Variants in CPED1 observed in about 807,000 individuals in gnomAD.
CPED1 encodes the protein cadherin like and PC-esterase domain containing 1.
In CPED1, 114 loss-of-function variants were observed where a neutral mutation model predicts 128.2. That is an observed-to-expected ratio of 0.89 (90% confidence interval 0.76 to 1.04). CPED1 has a LOEUF of 1.04. Ranked by LOEUF, CPED1 falls within the 50% of genes least tolerant of loss-of-function variation. The probability of loss-of-function intolerance (pLI) is 0.00; values close to 1 mark genes in which losing one functional copy is unlikely to be tolerated. For missense variants in CPED1, 1,211 were observed against 1,207.1 expected (o/e 1.00, Z -0.05); for synonymous variants, 462 against 426.7 (o/e 1.08, Z -1.02).
intron 3 of CPED1, among the ~76,000 whole-genome samples, chr7:121,040,324 G>C (rs1035707258): frequency 4.7e-4 from 72 of 152,182 alleles, no homozygotes; most frequent in African/African-American, 1.7e-3. Flanking sequence ...ACTATAATCA[G>C]TGTTAGAAAC....
intron 6 of CPED1, 147 bp from the exon 7 acceptor site, chr7:121,099,779 C>A: frequency 1.4e-6 from 1 of 729,052 alleles, no homozygotes; most frequent in Non-Finnish European, 2.2e-6. Flanking sequence ...TGCTAATAAG[C>A]AACTGAAATT....
chr7:121,011,957 G>A (rs1438243272), intron 2 of CPED1, among the ~76,000 whole-genome samples: 2 of 152,076 alleles, frequency 1.3e-5, no homozygotes, highest in African/African-American at 4.8e-5. Context: ...GAGACACCAC[G>A]TTGGACCCTT....
intron 22 of CPED1, among the ~76,000 whole-genome samples, chr7:121,276,552 C>T (rs562862892): frequency 6.6e-6 from 1 of 152,152 alleles, no homozygotes; most frequent in South Asian, 2.1e-4. Context: ...TATTATGAAA[C>T]AATACCTTTG....
chr7:121,184,888 T>C (rs1368678929), intron 16 of CPED1, among the ~76,000 whole-genome samples: 3 of 152,170 alleles, frequency 2.0e-5, no homozygotes, highest in Non-Finnish European at 4.4e-5. Flanking sequence ...ATTGACTATA[T>C]ACTTGAAAGC....
chr7:121,065,853 ATAGT>A (rs1378278991), intron 5 of CPED1, among the ~76,000 whole-genome samples: 4 of 152,152 alleles, frequency 2.6e-5, no homozygotes, highest in African/African-American at 9.6e-5. Context: ...GAATAACAAG[ATAGT>A]TTCACAGAAT....
At chr7:121,133,216 CT>C (rs1474969036) in intron 12 of CPED1, among the ~76,000 whole-genome samples, 2 of 152,030 alleles carry the variant, frequency 1.3e-5, no homozygotes, top group Admixed American at 6.6e-5. Flanking sequence ...AGCAATTTTT[CT>C]GTCTGCAATT....
chr7:121,018,905 C>T (rs1792370152), intron 3 of CPED1, among the ~76,000 whole-genome samples: 1 of 151,974 alleles, frequency 6.6e-6, no homozygotes, highest in Non-Finnish European at 1.5e-5. Context: ...CACTTTGCAC[C>T]ATCCTTTGAA....
chr7:121,088,232 G>A (rs748913419), intron 5 of CPED1, among the ~76,000 whole-genome samples: 1 of 152,136 alleles, frequency 6.6e-6, no homozygotes, highest in South Asian at 2.1e-4. Flanking sequence ...AAACTCTAAA[G>A]CCTGGGTTAG....
intron 22 of CPED1, among the ~76,000 whole-genome samples, chr7:121,284,099 G>T (rs1310664975): frequency 1.3e-5 from 2 of 152,162 alleles, no homozygotes; most frequent in Non-Finnish European, 2.9e-5. Context: ...GAGGACTCAA[G>T]AAACTTACAA....
chr7:121,199,245 A>C (rs563014884), intron 16 of CPED1, among the ~76,000 whole-genome samples: 10 of 152,216 alleles, frequency 6.6e-5, no homozygotes, highest in Middle Eastern at 3.4e-3. Flanking sequence ...CAGTCCACAC[A>C]TGGGGTATAA....
chr7:121,284,643 A>C (rs1792528934), intron 22 of CPED1, among the ~76,000 whole-genome samples: 1 of 152,198 alleles, frequency 6.6e-6, no homozygotes. Flanking sequence ...ATTCAAACCC[A>C]AAATCCAGCG....
intron 5 of CPED1, among the ~76,000 whole-genome samples, chr7:121,072,254 A>T (rs1461425302): frequency 2.0e-5 from 3 of 151,464 alleles, no homozygotes; most frequent in African/African-American, 7.3e-5. Context: ...TGCCTTCCTC[A>T]CTTACTAAAA....
At chr7:121,075,974 G>T (rs1794115186) in intron 5 of CPED1, among the ~76,000 whole-genome samples, 1 of 152,152 alleles carries the variant, frequency 6.6e-6, no homozygotes, top group Non-Finnish European at 1.5e-5. Context: ...TCAAGAGTCA[G>T]CTGTATTTGT....
chr7:121,027,781 A>AT (rs1465881423), intron 3 of CPED1, among the ~76,000 whole-genome samples: 81 of 145,024 alleles, frequency 5.6e-4, no homozygotes, highest in Non-Finnish European at 1.1e-3. Context: ...AATAATAATG[A>AT]GTTTCAGCTC....
At position 121,044,648 on chromosome 7, in the gene CPED1, C is replaced by CTTTTTTTTTTTTTTTTTTTTT. The variant is rs35159862; in HGVS notation, c.434-2238_434-2237insTTTTTTTTTTTTTTTTTTTTT. Among the ~76,000 whole-genome samples, 32 of 69,524 alleles carry CTTTTTTTTTTTTTTTTTTTTT rather than the reference C, an allele frequency of 4.6e-4. 7 individuals are homozygous for CTTTTTTTTTTTTTTTTTTTTT. The highest frequency in any genetic ancestry group is 6.5e-4 in the Non-Finnish European group (23 of 35,436). 45.6% of individuals were successfully genotyped at this position (69,524 alleles called of 152,430 possible). A position where few individuals can be genotyped will look rare whatever the true frequency, so the allele number is the denominator to read the frequency against. Reference sequence around the variant, plus strand: ...GATTGCTGAGAGCAGTGACTTTCTGCTCTTTTTTTTTTTTTTTTTTTGCTA... The same window carrying CTTTTTTTTTTTTTTTTTTTTT: ...GATTGCTGAGAGCAGTGACTTTCTGCTTTTTTTTTTTTTTTTTTTTTTCTTTTTTTTTTTTTTTTTTTGCTA... On this transcript the variant is annotated intron_variant, in intron 3 of 22. Coordinates refer to ENST00000310396, the MANE Select transcript of CPED1 (RefSeq NM_024913.5).
At chr7:121,028,448 G>T (rs192865051) in intron 3 of CPED1, among the ~76,000 whole-genome samples, 2 of 152,114 alleles carry the variant, frequency 1.3e-5, no homozygotes, top group African/African-American at 4.8e-5. Flanking sequence ...CTGAATTTGC[G>T]CAGACGCTGA....
chr7:121,124,009 C>T (rs912613999), intron 7 of CPED1, among the ~76,000 whole-genome samples: 1 of 152,100 alleles, frequency 6.6e-6, no homozygotes, highest in Non-Finnish European at 1.5e-5. Context: ...GTGGCAAGCC[C>T]AGCTCACCTA....
At chr7:121,244,921 T>G (rs1436207886) in intron 18 of CPED1, among the ~76,000 whole-genome samples, 1 of 152,226 alleles carries the variant, frequency 6.6e-6, no homozygotes, top group African/African-American at 2.4e-5. Context: ...AGTGTCTTCT[T>G]GCTAGGCATG....
chr7:121,241,109 C>T lies in CPED1; in HGVS notation c.2174-3093C>T, dbSNP rs1563076040. ...CTGTAATCCCAGCACTTTGGGAGGC[C>T]GAGGCGGGCGGATCACGAGGTCAGG... is the stretch of plus-strand genomic sequence containing the variant. On this transcript the variant is annotated intron_variant, in intron 17 of 22. Transcript: ENST00000310396. Among the ~76,000 whole-genome samples the T allele has an allele frequency of 1.2e-4, 6 of 51,970 alleles. 2 individuals are homozygous for T. Among genetic ancestry groups the T allele is most frequent in the African/African-American group, 5.1e-4 (6 of 11,772 alleles). The allele number at this position is 51,970 out of a possible 152,430, so 34.1% of individuals were successfully genotyped here.
Sources: allele counts gnomAD v4.1 joint callset (sites outside exome capture counted in the v4.1 genomes callset), GRCh38; gene constraint gnomAD v4.1.1; transcripts MANE v1.5; gene names NCBI Gene and HGNC (gene_info 2026-07-23, HGNC 2026-07-21).